Variants in RPTOR observed in about 807,000 individuals in gnomAD.
RPTOR encodes the protein regulatory associated protein of MTOR complex 1.
RPTOR carries 21 observed loss-of-function variants against 169.9 expected under a neutral mutation model. The ratio of observed to expected loss-of-function variants is 0.12; its 90% CI spans 0.09 to 0.18. The LOEUF is 0.18. RPTOR is among the 10% of genes least tolerant of loss of function. The pLI is 1.00. For missense variants in RPTOR, 1,133 were observed against 1,855.9 expected, an observed-to-expected ratio of 0.61 and a Z score of 7.16; for synonymous variants, 732 against 753.2, an observed-to-expected ratio of 0.97 and a Z score of 0.46.
In RPTOR at chr17:80,563,975, C is replaced by T. The variant is rs1006795189; in HGVS notation, c.162+18184C>T. On this transcript the variant is annotated intron_variant, in intron 1 of 33. Transcript: ENST00000306801. ...GCCATGCTCATTCACCCCCTTGGAC[C>T]GCAGTTAACTCACCTGCTGATGGAC... Among the ~76,000 whole-genome samples the T allele has an allele frequency of 1.6e-4, 24 of 152,172 alleles. 1 individual carries two copies. Among genetic ancestry groups the T allele is most frequent in the Admixed American group, 1.5e-3 (23 of 15,280 alleles).
rs180694492 is a variant in RPTOR, at chr17:80,625,466, G to A, written c.163-225G>A. 1.1e-3 allele frequency among the ~76,000 whole-genome samples: 163 copies of A among 152,168 alleles called. 1 individual carries two copies. The highest frequency in any genetic ancestry group is 3.6e-3 in the African/African-American group (149 of 41,516). On this transcript the variant is annotated intron_variant, in intron 1 of 33. Transcript: ENST00000306801. ...GCCTGAGAATAGCCCTTCCTGCCAC[G>A]TCCCTCTCACCACCTGTCCCCTTTG...
rs563259867 is a variant in RPTOR at position 80,638,131 on chromosome 17, C to T, written c.266-5597C>T. Among the ~76,000 whole-genome samples the T allele has an allele frequency of 4.6e-5, 7 of 152,340 alleles. No homozygotes were observed. The East Asian group carries it at 5.8e-4, about 13-fold the overall frequency. On this transcript the variant is annotated intron_variant, in intron 2 of 33. Coordinates refer to ENST00000306801, the MANE Select transcript of RPTOR (RefSeq NM_020761.3). The stretch of plus-strand genomic sequence containing the variant: ...AGACCAATACGAGGTCAAGCTTGAA[C>T]GGCCTGGAAGGCCAGAGAATGCTGC...
chr17:80,840,018 A>C (rs1459614535), intron 10 of RPTOR, among the ~76,000 whole-genome samples: 1 of 152,148 alleles, frequency 6.6e-6, no homozygotes, highest in East Asian at 1.9e-4. Flanking sequence ...TTTTGTTTTT[A>C]ATCTTATTGG....
At chr17:80,955,616 A>G (rs1024547151) in intron 28 of RPTOR, among the ~76,000 whole-genome samples, 3 of 152,236 alleles carry the variant, frequency 2.0e-5, no homozygotes, top group African/African-American at 7.2e-5. Context: ...AGAATAAGAA[A>G]AGATATTTGC....
intron 6 of RPTOR, among the ~76,000 whole-genome samples, chr17:80,778,752 T>A (rs1235921852): frequency 6.6e-6 from 1 of 152,102 alleles, no homozygotes; most frequent in Non-Finnish European, 1.5e-5. Context: ...TGAGCTGAGA[T>A]CATGCCACTG....
At chr17:80,748,803 G>A (rs373856210) in intron 5 of RPTOR, among the ~76,000 whole-genome samples, 9 of 58,452 alleles carry the variant, frequency 1.5e-4, no homozygotes, top group South Asian at 1.0e-3. Context: ...TTTAGAGGCC[G>A]TGGCGGGAGG....
intron 5 of RPTOR, among the ~76,000 whole-genome samples, chr17:80,742,357 T>A (rs773921945): frequency 6.6e-6 from 1 of 151,980 alleles, no homozygotes; most frequent in Non-Finnish European, 1.5e-5. Context: ...ACGGTGGTCA[T>A]TCCAGAAGGG....
In RPTOR at chr17:80,964,417, C is replaced by T. The variant is rs2069398163; in HGVS notation, c.*87C>T. On this transcript the variant is annotated 3_prime_UTR_variant, in exon 34 of 34. Transcript: ENST00000306801. Reference sequence around the variant, plus strand: ...CCGGGGCACGGGGCGTCGGCTGCTGCGGCCCCGCAGTGTGAACGTTGGCTG... The same window carrying T: ...CCGGGGCACGGGGCGTCGGCTGCTGTGGCCCCGCAGTGTGAACGTTGGCTG... 2 of 1,344,654 alleles carry T rather than the reference C, an allele frequency of 1.5e-6. No individual in the cohort carries two copies. Among genetic ancestry groups the T allele is most frequent in the South Asian group, 1.2e-5 (1 of 85,456 alleles). 83.3% of individuals were successfully genotyped at this position (1,344,654 alleles called of 1,614,324 possible). A position where few individuals can be genotyped will look rare whatever the true frequency, so the allele number is the denominator to read the frequency against.
Position 80,964,332 on chromosome 17 carries a change from G to A in RPTOR, c.*2G>A, listed in dbSNP as rs1200304993. The A allele has an allele frequency of 5.0e-6, 8 of 1,606,110 alleles. No individual in the cohort carries two copies. The highest frequency in any genetic ancestry group is 2.2e-5 in the South Asian group (2 of 91,072). ...TCGGTGGAGAAGCGTGTCAGATAGC[G>A]GCGTGACCCGGGCCCACCAGGCCAC... On this transcript the variant is annotated 3_prime_UTR_variant, in exon 34 of 34. Coordinates refer to ENST00000306801, the MANE Select transcript of RPTOR (RefSeq NM_020761.3).
At chr17:80,909,270 G>GGACC (rs2143935621) in intron 21 of RPTOR, among the ~76,000 whole-genome samples, 1 of 151,820 alleles carries the variant, frequency 6.6e-6, no homozygotes, top group South Asian at 2.1e-4. Context: ...TATAAGAGAT[G>GGACC]GGGTCTCCCT....
chr17:80,714,517 A>G (rs1269203383), intron 4 of RPTOR, among the ~76,000 whole-genome samples: 1 of 152,180 alleles, frequency 6.6e-6, no homozygotes, highest in Admixed American at 6.5e-5. Flanking sequence ...AAATTATGGA[A>G]TATCTGGAGA....
Position 80,791,430 on chromosome 17 carries a change from A to G in RPTOR, c.831-20A>G. 6.2e-7 allele frequency: 1 copy of G among 1,611,674 alleles called. No homozygotes were observed. Among genetic ancestry groups the G allele is most frequent in the East Asian group, 2.2e-5 (1 of 44,814 alleles). On this transcript the variant is annotated intron_variant, in intron 6 of 33. Coordinates refer to ENST00000306801, the MANE Select transcript of RPTOR (RefSeq NM_020761.3). The stretch of plus-strand genomic sequence containing the variant: ...TGACTGTTCCATTCATGCCGTTCAC[A>G]TTCTTTTCTTTCTCTGCAGGTTTTG...
chr17:80,840,568 A>ACT (rs1249546267), intron 10 of RPTOR, among the ~76,000 whole-genome samples: 1 of 98,910 alleles, frequency 1.0e-5, no homozygotes, highest in African/African-American at 4.3e-5. Flanking sequence ...ACGGCAGCTC[A>ACT]CACCGCACGG....
intron 5 of RPTOR, among the ~76,000 whole-genome samples, chr17:80,742,748 A>C: frequency 6.6e-6 from 1 of 152,086 alleles, no homozygotes; most frequent in Non-Finnish European, 1.5e-5. Flanking sequence ...GCGCACACAT[A>C]CATGCACATA....
chr17:80,616,715 A>G lies in RPTOR; in HGVS notation c.163-8976A>G, dbSNP rs115276394. On this transcript the variant is annotated intron_variant, in intron 1 of 33. Coordinates refer to ENST00000306801, the MANE Select transcript of RPTOR (RefSeq NM_020761.3). ...AGATGGGAGGATCCGTTTGAGCCCT[A>G]TTGAAGCAATAGGCTTCACTTTGTA... Among the ~76,000 whole-genome samples, 985 of 152,272 alleles carry G rather than the reference A, an allele frequency of 6.5e-3. 9 individuals carry two copies. The highest frequency in any genetic ancestry group is 0.022 in the African/African-American group (906 of 41,540).
intron 6 of RPTOR, among the ~76,000 whole-genome samples, chr17:80,765,259 G>C (rs1043886200): frequency 6.6e-6 from 1 of 152,116 alleles, no homozygotes; most frequent in African/African-American, 2.4e-5. Context: ...TTTCATCTGG[G>C]CACTTGCTCT....
intron 7 of RPTOR, among the ~76,000 whole-genome samples, chr17:80,807,000 A>C (rs1236186445): frequency 6.6e-6 from 1 of 152,250 alleles, no homozygotes; most frequent in Non-Finnish European, 1.5e-5. Context: ...TGGGAGAATG[A>C]AGCAAACCTT....
At chr17:80,949,702 G>A (rs563758609) in intron 28 of RPTOR, among the ~76,000 whole-genome samples, 155 bp downstream of exon 28, 37 of 152,286 alleles carry the variant, frequency 2.4e-4, no homozygotes, top group South Asian at 1.9e-3. Flanking sequence ...CAATGTCCCC[G>A]AAAGCGTGAG....
intron 1 of RPTOR, among the ~76,000 whole-genome samples, chr17:80,566,527 G>C (rs928311863): frequency 6.6e-6 from 1 of 152,082 alleles, no homozygotes; most frequent in Non-Finnish European, 1.5e-5. Flanking sequence ...TTATAAGAAT[G>C]TATATTTTCC....
Sources: allele counts gnomAD v4.1 joint callset (sites outside exome capture counted in the v4.1 genomes callset), GRCh38; gene constraint gnomAD v4.1.1; transcripts MANE v1.5; gene names NCBI Gene and HGNC (gene_info 2026-07-23, HGNC 2026-07-21).